HPSE2: variants seen among roughly 807,000 people sequenced by gnomAD.
The protein encoded by HPSE2 is inactive heparanase-2.
A neutral mutation model predicts 60.5 loss-of-function variants in HPSE2; 38 were observed. The observed-to-expected ratio is 0.63, with a 90% CI of 0.48 to 0.82. HPSE2 has a LOEUF of 0.82. HPSE2 is among the 40% of genes least tolerant of loss of function. The pLI, the probability that HPSE2 is intolerant of heterozygous loss-of-function variation, is 0.00. For synonymous variants in HPSE2, 295 were observed against 293.2 expected (o/e 1.01, Z -0.06); for missense variants, 713 against 740.4 (o/e 0.96, Z 0.43).
intron 9 of HPSE2, among the ~76,000 whole-genome samples, chr10:98,569,151 C>A (rs2133893230): frequency 6.6e-6 from 1 of 151,398 alleles, no homozygotes; most frequent in East Asian, 2.0e-4. Flanking sequence ...GCAATCTCCA[C>A]CTCCTGGGTT....
intron 9 of HPSE2, among the ~76,000 whole-genome samples, chr10:98,554,575 G>A (rs1316764457): frequency 1.3e-5 from 2 of 152,112 alleles, no homozygotes; most frequent in Non-Finnish European, 2.9e-5. Context: ...GCACCAAAAT[G>A]CCTCATGACG....
At chr10:98,905,786 C>G (rs1953798605) in intron 3 of HPSE2, among the ~76,000 whole-genome samples, 1 of 152,144 alleles carries the variant, frequency 6.6e-6, no homozygotes, top group African/African-American at 2.4e-5. Flanking sequence ...AGAGACTAAA[C>G]CACAAGGACA....
chr10:98,922,860 A>C (rs1954323151), intron 3 of HPSE2, among the ~76,000 whole-genome samples: 1 of 152,198 alleles, frequency 6.6e-6, no homozygotes, highest in Non-Finnish European at 1.5e-5. Flanking sequence ...ATGTCTTGAA[A>C]AGTTGTTGTA....
At chr10:98,671,999 T>A (rs186292949) in intron 6 of HPSE2, among the ~76,000 whole-genome samples, 3 of 152,330 alleles carry the variant, frequency 2.0e-5, no homozygotes, top group Non-Finnish European at 4.4e-5. Context: ...GCTCATAATG[T>A]TTGACGACAT....
chr10:99,121,861 T>G (rs1045445284), intron 3 of HPSE2, among the ~76,000 whole-genome samples: 1 of 152,116 alleles, frequency 6.6e-6, no homozygotes, highest in African/African-American at 2.4e-5. Flanking sequence ...TCATGAAAAA[T>G]TAGAGACAAC....
intron 3 of HPSE2, among the ~76,000 whole-genome samples, chr10:98,793,184 T>C (rs1009843981): frequency 6.6e-6 from 1 of 152,224 alleles, no homozygotes; most frequent in South Asian, 2.1e-4. Flanking sequence ...ACAAGTTAAA[T>C]TTGAAAACTC....
intron 3 of HPSE2, among the ~76,000 whole-genome samples, chr10:99,025,535 A>G (rs1048199189): frequency 6.6e-6 from 1 of 152,158 alleles, no homozygotes; most frequent in Non-Finnish European, 1.5e-5. Context: ...AAAGAACAAG[A>G]TCATGTATTT....
At chr10:98,741,592 C>CT (rs991409224) in intron 4 of HPSE2, among the ~76,000 whole-genome samples, 4 of 151,998 alleles carry the variant, frequency 2.6e-5, no homozygotes, top group Non-Finnish European at 5.9e-5. Flanking sequence ...ATTTAACAAG[C>CT]TCCCACATTC....
At chr10:98,632,082 A>T (rs1003614161) in intron 7 of HPSE2, among the ~76,000 whole-genome samples, 2 of 152,190 alleles carry the variant, frequency 1.3e-5, no homozygotes, top group African/African-American at 4.8e-5. Flanking sequence ...AAGTGTGGGC[A>T]ATACTGAATA....
At chr10:99,027,681 C>T (rs947878661) in intron 3 of HPSE2, among the ~76,000 whole-genome samples, 2 of 147,610 alleles carry the variant, frequency 1.4e-5, no homozygotes, top group African/African-American at 2.5e-5. Flanking sequence ...ACCACTACCA[C>T]CACCACCACC....
At chr10:98,568,569 G>A (rs1451167372) in intron 9 of HPSE2, among the ~76,000 whole-genome samples, 1 of 152,216 alleles carries the variant, frequency 6.6e-6, no homozygotes, top group African/African-American at 2.4e-5. Flanking sequence ...TCAGGTTACT[G>A]GGGCTTCTGG....
At chr10:98,943,351 T>A (rs570568333) in intron 3 of HPSE2, among the ~76,000 whole-genome samples, 2 of 152,030 alleles carry the variant, frequency 1.3e-5, no homozygotes, top group Non-Finnish European at 2.9e-5. Context: ...TCTTTTAATA[T>A]TATTTTGATT....
intron 3 of HPSE2, among the ~76,000 whole-genome samples, chr10:98,779,913 G>A (rs1474388535): frequency 6.6e-6 from 1 of 152,040 alleles, no homozygotes; most frequent in Non-Finnish European, 1.5e-5. Flanking sequence ...CAAAGGGTAG[G>A]GAATTGCCTG....
chr10:98,899,288 T>C (rs976825375), intron 3 of HPSE2, among the ~76,000 whole-genome samples: 10 of 152,282 alleles, frequency 6.6e-5, no homozygotes, highest in Admixed American at 1.3e-4. Flanking sequence ...AACAAAAGCA[T>C]AGTCTATTTT....
chr10:98,866,065 T>G (rs1320234944), intron 3 of HPSE2, among the ~76,000 whole-genome samples: 2 of 152,118 alleles, frequency 1.3e-5, no homozygotes, highest in Admixed American at 1.3e-4. Context: ...ACTCATGATA[T>G]GAAAAATAAT....
At chr10:98,750,954 A>G (rs1238618149) in intron 3 of HPSE2, among the ~76,000 whole-genome samples, 2 of 152,132 alleles carry the variant, frequency 1.3e-5, no homozygotes, top group African/African-American at 4.8e-5. Flanking sequence ...AAGAAGAGAG[A>G]CAGGAGCTGT....
the HPSE2 span, among the ~76,000 whole-genome samples, chr10:99,245,761 GTA>G: frequency 6.6e-6 from 1 of 152,214 alleles, no homozygotes; most frequent in Non-Finnish European, 1.5e-5. Context: ...CTAAGAGCCA[GTA>G]ATCCCACTGC....
At chr10:99,001,770 A>G (rs944100940) in intron 3 of HPSE2, among the ~76,000 whole-genome samples, 52 of 152,252 alleles carry the variant, frequency 3.4e-4, no homozygotes, top group African/African-American at 1.2e-3. Context: ...TGAGTAAAAA[A>G]TATGACATAA....
intron 2 of HPSE2, among the ~76,000 whole-genome samples, chr10:99,175,604 A>G (rs574390809): frequency 6.6e-6 from 1 of 152,318 alleles, no homozygotes; most frequent in African/African-American, 2.4e-5. Flanking sequence ...TCTCTGAAAG[A>G]AAGGCAGCAG....
Sources: gnomAD v4.1 joint callset for allele counts (sites outside exome capture counted in the v4.1 genomes callset) on GRCh38, gnomAD v4.1.1 for gene constraint, MANE v1.5 for transcripts, NCBI Gene and HGNC (gene_info 2026-07-23, HGNC 2026-07-21) for gene names.